Variants in GAREM1 observed in about 807,000 individuals in gnomAD.
GAREM1 encodes the protein GRB2-associated and regulator of MAPK protein 1.
Under a neutral mutation model 71.3 loss-of-function variants are expected in GAREM1, and 26 were observed. The observed-to-expected ratio is 0.36, with a 90% CI of 0.27 to 0.51. The LOEUF is 0.51. Ranked by LOEUF, GAREM1 falls within the 20% of genes least tolerant of loss-of-function variation. The probability of loss-of-function intolerance (pLI) is 0.95; values close to 1 mark genes in which losing one functional copy is unlikely to be tolerated. For synonymous variants in GAREM1, 440 were observed against 433.2 expected, an observed-to-expected ratio of 1.02 and a Z score of -0.20; for missense variants, 1,026 against 1,103.1, an observed-to-expected ratio of 0.93 and a Z score of 0.99.
intron 2 of GAREM1, among the ~76,000 whole-genome samples, chr18:32,328,573 T>C (rs2047495339): frequency 6.6e-6 from 1 of 152,200 alleles, no homozygotes; most frequent in African/African-American, 2.4e-5. Context: ...TCTGAGTCAT[T>C]TTAATCTAAG....
intron 1 of GAREM1, among the ~76,000 whole-genome samples, chr18:32,450,227 C>T (rs10502599): frequency 0.045 from 6,811 of 152,222 alleles, 489 homozygotes; most frequent in East Asian, 0.34. Context: ...AACGGCTATC[C>T]TTTGCAATAC....
At chr18:32,275,029 A>G (rs889182240) in intron 4 of GAREM1, among the ~76,000 whole-genome samples, 1 of 152,064 alleles carries the variant, frequency 6.6e-6, no homozygotes, top group Non-Finnish European at 1.5e-5. Flanking sequence ...TGTGGAAATT[A>G]TTACTGACAA....
At chr18:32,350,073 G>C (rs1344740100) in intron 2 of GAREM1, among the ~76,000 whole-genome samples, 1 of 152,158 alleles carries the variant, frequency 6.6e-6, no homozygotes. Context: ...AGCAGAAATG[G>C]TTAAAAGAAA....
intron 4 of GAREM1, among the ~76,000 whole-genome samples, chr18:32,274,566 C>T (rs2041511847): frequency 6.6e-6 from 1 of 152,164 alleles, no homozygotes; most frequent in African/African-American, 2.4e-5. Flanking sequence ...TGCCTGCCAC[C>T]CAAGGCTCTG....
In GAREM1 at chr18:32,410,483, T is replaced by A. The variant is rs1425579382; in HGVS notation, c.122-17448A>T. Among the ~76,000 whole-genome samples, 5 of 152,128 alleles carry A rather than the reference T, an allele frequency of 3.3e-5. 1 individual carries two copies. The highest frequency in any genetic ancestry group is 7.4e-5 in the Non-Finnish European group (5 of 68,012). ...CTGCCTTAGCCTTCCAAATTGCTGG[T>A]ACTACAGGTATGCACCGCCACACTG... is the stretch of plus-strand genomic sequence containing the variant. On this transcript the variant is annotated intron_variant, in intron 1 of 5. Transcript: ENST00000269209.
chr18:32,415,925 G>C (rs1446109177), intron 1 of GAREM1, among the ~76,000 whole-genome samples: 1 of 152,056 alleles, frequency 6.6e-6, no homozygotes, highest in Non-Finnish European at 1.5e-5. Flanking sequence ...AAAGGAAAAA[G>C]TCAAATGGTC....
chr18:32,378,521 A>C (rs757605226), intron 2 of GAREM1, among the ~76,000 whole-genome samples: 3 of 151,646 alleles, frequency 2.0e-5, no homozygotes, highest in South Asian at 2.1e-4. Context: ...AAAAACAAAA[A>C]GCAACTGCTC....
At chr18:32,395,191 C>G (rs2048239198) in intron 1 of GAREM1, among the ~76,000 whole-genome samples, 1 of 152,160 alleles carries the variant, frequency 6.6e-6, no homozygotes, top group Non-Finnish European at 1.5e-5. Flanking sequence ...CCTGCTCTTC[C>G]AATGCCACAA....
chr18:32,379,953 C>A (rs1331562382), intron 2 of GAREM1, among the ~76,000 whole-genome samples: 4 of 152,078 alleles, frequency 2.6e-5, no homozygotes, highest in Non-Finnish European at 5.9e-5. Context: ...ATTCTAGGCA[C>A]TTACAGATAC....
intron 2 of GAREM1, among the ~76,000 whole-genome samples, chr18:32,336,304 C>T (rs1174199583): frequency 6.6e-6 from 1 of 151,990 alleles, no homozygotes; most frequent in African/African-American, 2.4e-5. Flanking sequence ...GTGGTGGGTG[C>T]CTGTGGTCCC....
In GAREM1 at chr18:32,268,182, G is replaced by A; in HGVS notation, c.2320C>T (p.Gln774Ter). The change falls in exon 6 of 6, where the codon CAG (glutamine) becomes TAG (stop). Residue 774 changes from glutamine to a stop codon, truncating the protein, a stop_gained. Transcript: ENST00000269209. LOFTEE classifies it high-confidence loss of function. ...GGGTAGGAGGCAGAGAAGATGTCCT[G>A]CATGCCCTTTTTAACAAAATACTGG... ...EDQYFVKKGM[Q>*]DIFSASYPFS... The A allele has an allele frequency of 6.2e-7, 1 of 1,614,142 alleles. No individual in the cohort carries two copies.
chr18:32,392,825 A>G, intron 2 of GAREM1, 70 bp downstream of exon 2: 2 of 1,517,868 alleles, frequency 1.3e-6, no homozygotes, highest in Non-Finnish European at 1.8e-6. Flanking sequence ...GACAATTCTT[A>G]GAGGAAAAGT....
chr18:32,444,760 ACT>A (rs934394038), intron 1 of GAREM1, among the ~76,000 whole-genome samples: 34 of 151,386 alleles, frequency 2.2e-4, no homozygotes, highest in African/African-American at 8.0e-4. Context: ...CAAGTGAAAA[ACT>A]CTCTATATCC....
At chr18:32,326,023 T>C (rs987940954) in intron 2 of GAREM1, among the ~76,000 whole-genome samples, 5 of 152,192 alleles carry the variant, frequency 3.3e-5, no homozygotes, top group Non-Finnish European at 5.9e-5. Context: ...ACTTACTGAA[T>C]AGGAGAAACG....
chr18:32,365,863 T>G (rs2047924714), intron 2 of GAREM1, among the ~76,000 whole-genome samples: 1 of 152,126 alleles, frequency 6.6e-6, no homozygotes, highest in Non-Finnish European at 1.5e-5. Context: ...GGTAATACAT[T>G]TCATAAGTAA....
chr18:32,334,521 G>C (rs1021836044), intron 2 of GAREM1, among the ~76,000 whole-genome samples: 1 of 152,218 alleles, frequency 6.6e-6, no homozygotes, highest in Non-Finnish European at 1.5e-5. Flanking sequence ...AACAGATGCA[G>C]AGGGAGGCTC....
chr18:32,385,612 T>C (rs2048139332), intron 2 of GAREM1, among the ~76,000 whole-genome samples: 1 of 152,122 alleles, frequency 6.6e-6, no homozygotes, highest in Admixed American at 6.6e-5. Context: ...AGAATACAAG[T>C]AGGGAGCTAC....
chr18:32,290,642 G>GAAAAAAAAAA (rs586596), intron 3 of GAREM1, among the ~76,000 whole-genome samples: 2 of 75,640 alleles, frequency 2.6e-5, no homozygotes, highest in African/African-American at 8.4e-5. Flanking sequence ...CAGACTGTCT[G>GAAAAAAAAAA]AAAAAAAAAA....
chr18:32,430,915 A>G (rs2048618295), intron 1 of GAREM1, among the ~76,000 whole-genome samples: 1 of 152,214 alleles, frequency 6.6e-6, no homozygotes, highest in South Asian at 2.1e-4. Context: ...TTTTTTGGCC[A>G]GAAGACTAGG....
Sources: gnomAD v4.1 joint callset for allele counts (sites outside exome capture counted in the v4.1 genomes callset) on GRCh38, gnomAD v4.1.1 for gene constraint, MANE v1.5 for transcripts, NCBI Gene and HGNC (gene_info 2026-07-23, HGNC 2026-07-21) for gene names.